ARHGEF11: variants seen among roughly 807,000 people sequenced by gnomAD.
The protein encoded by ARHGEF11 is Rho guanine nucleotide exchange factor 11.
Under a neutral mutation model 193.7 loss-of-function variants are expected in ARHGEF11, and 55 were observed. That is an observed-to-expected ratio of 0.28 (90% CI 0.23 to 0.36). The LOEUF (loss-of-function observed/expected upper bound fraction) is 0.36, where lower values mean the gene tolerates loss of function less well. Ranked by LOEUF, ARHGEF11 falls within the 10% of genes least tolerant of loss-of-function variation. ARHGEF11 has a pLI of 1.00. For missense variants in ARHGEF11, 1,723 were observed against 2,005.6 expected (o/e 0.86, Z 2.69); for synonymous variants, 693 against 768.0 (o/e 0.90, Z 1.62).
chr1:156,963,485 A>G, intron 12 of ARHGEF11, 35 bp downstream of exon 12: 1 of 1,606,020 alleles, frequency 6.2e-7, no homozygotes, highest in Non-Finnish European at 8.5e-7. Context: ...ATGACAAAAA[A>G]AAATGATGAA....
intron 7 of ARHGEF11, among the ~76,000 whole-genome samples, chr1:156,975,275 T>A (rs994880271): frequency 6.6e-6 from 1 of 152,266 alleles, no homozygotes; most frequent in Non-Finnish European, 1.5e-5. Context: ...TAGGTCATTG[T>A]CATTTTGATT....
At chr1:156,993,322 C>T (rs892068673) in intron 1 of ARHGEF11, among the ~76,000 whole-genome samples, 1 of 152,212 alleles carries the variant, frequency 6.6e-6, no homozygotes, top group Admixed American at 6.5e-5. Context: ...CAGACATATA[C>T]ACATATATAC....
chr1:156,954,788 G>C, intron 21 of ARHGEF11, 104 bp downstream of exon 21: 1 of 963,270 alleles, frequency 1.0e-6, no homozygotes, highest in South Asian at 1.4e-5. Flanking sequence ...GAGGGAGGAG[G>C]AACAGGATGG....
chr1:157,044,696 T>C lies in ARHGEF11; in HGVS notation c.-366A>G, dbSNP rs1384830526. The C allele has an allele frequency of 2.3e-6, 1 of 431,454 alleles. No individual in the cohort carries two copies. The highest frequency in any genetic ancestry group is 2.0e-5 in the African/African-American group (1 of 49,522). 26.7% of individuals were successfully genotyped at this position (431,454 alleles called of 1,614,324 possible). A position where few individuals can be genotyped will look rare whatever the true frequency, so the allele number is the denominator to read the frequency against. On this transcript the variant is annotated 5_prime_UTR_variant, in exon 1 of 41. Transcript: ENST00000368194. ...AAATGAATCACAGAAAAATGTGCCTTCAAAATATCACTGTTAACTGCAAAG... is the reference window on the plus strand; with the variant it reads ...AAATGAATCACAGAAAAATGTGCCTCCAAAATATCACTGTTAACTGCAAAG...
chr1:157,022,227 G>T (rs1670070685), intron 1 of ARHGEF11, among the ~76,000 whole-genome samples: 1 of 152,106 alleles, frequency 6.6e-6, no homozygotes, highest in Admixed American at 6.5e-5. Context: ...ACGTGGGAAA[G>T]GAAGAAGAAA....
At chr1:157,043,658 G>A (rs186221408) in intron 1 of ARHGEF11, among the ~76,000 whole-genome samples, 126 of 152,266 alleles carry the variant, frequency 8.3e-4, no homozygotes, top group Non-Finnish European at 9.3e-4. Context: ...AGCATCAGCC[G>A]GTTGGCAGGT....
At chr1:156,958,660 G>A (rs1267045885) in intron 17 of ARHGEF11, 82 bp downstream of exon 17, 1 of 1,574,968 alleles carries the variant, frequency 6.3e-7, no homozygotes, top group African/African-American at 1.3e-5. Flanking sequence ...GGAAGAGGGG[G>A]AGAGGTTGAA....
Position 156,935,677 on chromosome 1 carries a change from A to C in ARHGEF11, c.*323T>G, listed in dbSNP as rs962896380. 1 of 270,006 alleles carries C rather than the reference A, an allele frequency of 3.7e-6. No homozygotes were observed. The highest frequency in any genetic ancestry group is 6.9e-6 in the Non-Finnish European group (1 of 144,102). 16.7% of individuals were successfully genotyped at this position (270,006 alleles called of 1,614,324 possible). ...ACTTGCATGTCTGAGGGCAGCGCAC[A>C]TACAGGCGTGCGCGTGTACACACAT... On this transcript the variant is annotated 3_prime_UTR_variant, in exon 41 of 41. Transcript: ENST00000368194.
chr1:156,963,436 T>C (rs2102206754), intron 12 of ARHGEF11, 84 bp downstream of exon 12: 1 of 1,526,362 alleles, frequency 6.6e-7, no homozygotes. Flanking sequence ...CCTTCACAGC[T>C]GATGCTAGTC....
intron 1 of ARHGEF11, among the ~76,000 whole-genome samples, chr1:157,001,163 A>G (rs1469840688): frequency 6.6e-6 from 1 of 152,212 alleles, no homozygotes; most frequent in African/African-American, 2.4e-5. Context: ...TGCTTTTAAA[A>G]GAAACTCACG....
intron 8 of ARHGEF11, among the ~76,000 whole-genome samples, chr1:156,970,413 T>C (rs1447278736): frequency 1.3e-5 from 2 of 152,268 alleles, no homozygotes; most frequent in African/African-American, 2.4e-5. Flanking sequence ...TTGGAGATCT[T>C]TGAGGAGGAT....
chr1:156,945,362 G>A (rs1165779696), intron 29 of ARHGEF11, 165 bp from the exon 30 acceptor site: 7 of 674,710 alleles, frequency 1.0e-5, no homozygotes, highest in Middle Eastern at 4.1e-4. Context: ...CAAGTGGTAA[G>A]GGTAACTTTT....
chr1:156,968,500 A>G (rs1269004135), intron 10 of ARHGEF11, among the ~76,000 whole-genome samples: 1 of 152,094 alleles, frequency 6.6e-6, no homozygotes, highest in African/African-American at 2.4e-5. Context: ...TCAACTGTAG[A>G]TTCTTTAGGA....
chr1:156,975,990 G>A (rs151163259), intron 7 of ARHGEF11, among the ~76,000 whole-genome samples: 25 of 152,132 alleles, frequency 1.6e-4, no homozygotes, highest in Non-Finnish European at 2.8e-4. Context: ...ATAAATGTTA[G>A]CACTTATCAT....
intron 20 of ARHGEF11, among the ~76,000 whole-genome samples, 179 bp from the exon 21 acceptor site, chr1:156,955,100 C>T (rs974931610): frequency 3.9e-5 from 6 of 152,178 alleles, no homozygotes; most frequent in Admixed American, 2.0e-4. Context: ...GGGAGGCCAG[C>T]CCACCCCACT....
chr1:157,008,092 G>C (rs989646195), intron 1 of ARHGEF11, among the ~76,000 whole-genome samples: 16 of 152,040 alleles, frequency 1.1e-4, no homozygotes, highest in African/African-American at 2.7e-4. Context: ...AAAATGTAGA[G>C]GGAAACATTT....
rs1435449172 is a variant in ARHGEF11 at position 156,939,712 on chromosome 1, T to A, written c.3932A>T (p.Glu1311Val). 1 of 1,614,056 alleles carries A rather than the reference T, an allele frequency of 6.2e-7. No homozygotes were observed. The highest frequency in any genetic ancestry group is 8.5e-7 in the Non-Finnish European group (1 of 1,180,002). The stretch of plus-strand genomic sequence containing the variant: ...GTCTTCCTGCTCTGGCCGTTCCCCC[T>A]CCAGCCCTGCAAGCTGGGTGTTGTC... ...EGDNTQLAGL[E>V]GERPEQEDMG... Residue 1311 changes from glutamate to valine, a missense_variant, in exon 37 of 41, where the codon GAG (glutamate) becomes GTG (valine). Physicochemically the swap from Glu to Val is moderately radical, Grantham distance 121. Around this residue, in one of 5 missense-constraint regions of ARHGEF11, gnomAD observed 360 missense variants for 344.4 expected, o/e 1.05. Coordinates refer to ENST00000368194, the MANE Select transcript of ARHGEF11 (RefSeq NM_198236.3).
In ARHGEF11 at chr1:156,969,241, G is replaced by A. The variant is rs7534026; in HGVS notation, c.825+41C>T. ...AACTTGGGTCAAGGGAAGGGACCCC[G>A]AATGCACGTTCTGAATGGGCCTTGC... On this transcript the variant is annotated intron_variant, in intron 10 of 40. Transcript: ENST00000368194. The A allele has an allele frequency of 2.2e-4, 336 of 1,537,082 alleles. 2 individuals are homozygous for A. In the African/African-American group the frequency reaches 3.6e-3, roughly 17 times the overall value.
At chr1:156,956,914 A>G (rs1010535813) in intron 18 of ARHGEF11, among the ~76,000 whole-genome samples, 4 of 152,214 alleles carry the variant, frequency 2.6e-5, no homozygotes, top group Admixed American at 2.6e-4. Flanking sequence ...TGGTCAAGCC[A>G]TAGGCAGATG....
Sources: allele counts gnomAD v4.1 joint callset (sites outside exome capture counted in the v4.1 genomes callset), GRCh38; gene constraint gnomAD v4.1.1; regional missense constraint gnomAD v4.1.1; transcripts MANE v1.5; gene names NCBI Gene and HGNC (gene_info 2026-07-23, HGNC 2026-07-21).